Variants in USP37 observed in about 807,000 individuals in gnomAD.
USP37 encodes ubiquitin carboxyl-terminal hydrolase 37.
A neutral mutation model predicts 124.0 loss-of-function variants in USP37; 27 were observed. The observed-to-expected ratio is 0.22, with a 90% CI of 0.16 to 0.30. The LOEUF (loss-of-function observed/expected upper bound fraction) is 0.30, where lower values mean the gene tolerates loss of function less well. Among genes scored for constraint, USP37 ranks in the 10% least tolerant of loss-of-function variants. USP37 has a pLI of 1.00. For missense variants in USP37, 889 were observed against 1,140.4 expected, an observed-to-expected ratio of 0.78 and a Z score of 3.17; for synonymous variants, 365 against 388.0, an observed-to-expected ratio of 0.94 and a Z score of 0.70.
At chr2:218,460,367 G>C in intron 22 of USP37, among the ~76,000 whole-genome samples, 1 of 152,004 alleles carries the variant, frequency 6.6e-6, no homozygotes, top group East Asian at 1.9e-4. Flanking sequence ...GTAATATGAC[G>C]GTCCAACACG....
chr2:218,537,664 T>C (rs1016154529), intron 8 of USP37, among the ~76,000 whole-genome samples: 1 of 152,126 alleles, frequency 6.6e-6, no homozygotes, highest in Non-Finnish European at 1.5e-5. Flanking sequence ...AGGTAAATAA[T>C]CATCAAAAAG....
intron 14 of USP37, among the ~76,000 whole-genome samples, chr2:218,490,430 T>C (rs1199511293): frequency 6.6e-6 from 1 of 152,226 alleles, no homozygotes; most frequent in Non-Finnish European, 1.5e-5. Context: ...AATATATTTT[T>C]TATAGAATTT....
chr2:218,526,052 G>A (rs925220369), intron 10 of USP37, among the ~76,000 whole-genome samples: 7 of 152,054 alleles, frequency 4.6e-5, no homozygotes, highest in African/African-American at 9.7e-5. Context: ...AGTATTCTAC[G>A]GTGTATATGT....
intron 10 of USP37, among the ~76,000 whole-genome samples, chr2:218,522,852 T>C (rs761715827): frequency 6.6e-6 from 1 of 152,114 alleles, no homozygotes; most frequent in African/African-American, 2.4e-5. Context: ...AAGAAGAGTT[T>C]CAGGGCCGGA....
intron 16 of USP37, among the ~76,000 whole-genome samples, chr2:218,484,121 C>T (rs534774330): frequency 2.6e-5 from 4 of 151,046 alleles, no homozygotes; most frequent in South Asian, 2.1e-4. Flanking sequence ...ATCATGCCAC[C>T]GCATTCCAGC....
At chr2:218,542,247 T>C (rs1366954038) in intron 8 of USP37, among the ~76,000 whole-genome samples, 1 of 152,218 alleles carries the variant, frequency 6.6e-6, no homozygotes, top group African/African-American at 2.4e-5. Flanking sequence ...GGTCAGCTTC[T>C]AAGGAGTGCA....
intron 11 of USP37, among the ~76,000 whole-genome samples, chr2:218,505,869 TG>T (rs1386555670): frequency 1.2e-5 from 1 of 82,030 alleles, no homozygotes; most frequent in Non-Finnish European, 2.4e-5. Context: ...GCTGTTTTGT[TG>T]TTTTTTTTTT....
intron 9 of USP37, 53 bp from the exon 10 acceptor site, chr2:218,530,093 G>A (rs1691236941): frequency 1.4e-6 from 2 of 1,395,704 alleles, no homozygotes; most frequent in Non-Finnish European, 2.0e-6. Context: ...AACCATTCAA[G>A]TTCATTTAAT....
chr2:218,503,691 G>A (rs1192964556), intron 11 of USP37, among the ~76,000 whole-genome samples: 1 of 151,916 alleles, frequency 6.6e-6, no homozygotes, highest in African/African-American at 2.4e-5. Flanking sequence ...CTCCAGCCTG[G>A]GCAACGAGAG....
chr2:218,472,528 A>G (rs995623537), intron 20 of USP37, among the ~76,000 whole-genome samples: 2 of 151,866 alleles, frequency 1.3e-5, no homozygotes, highest in Non-Finnish European at 2.9e-5. Flanking sequence ...CAATGGTGCA[A>G]TATCGGCTCA....
At chr2:218,461,539 G>A (rs1690014598) in intron 22 of USP37, among the ~76,000 whole-genome samples, 2 of 151,610 alleles carry the variant, frequency 1.3e-5, no homozygotes, top group South Asian at 4.2e-4. Flanking sequence ...GAAAATCTAA[G>A]AATGTGAAGA....
chr2:218,489,653 C>T (rs1028747450), intron 14 of USP37, among the ~76,000 whole-genome samples: 1 of 151,674 alleles, frequency 6.6e-6, no homozygotes, highest in Non-Finnish European at 1.5e-5. Flanking sequence ...CTAATTTTTA[C>T]TATTTTAGTA....
In USP37 at chr2:218,466,071, A is replaced by G. The variant is rs1480477277; in HGVS notation, c.2405T>C (p.Met802Thr). The G allele has an allele frequency of 2.5e-6, 4 of 1,613,948 alleles. No homozygotes were observed. In the South Asian group the frequency reaches 4.4e-5, roughly 18 times the overall value. ...GEVDWLQQYD[M>T]EREREEQELQ... ...CTCTTGCTCTTCCCTTTCACGCTCC[A>G]TATCATACTGCTGGAGCCAATCAAC... Residue 802 changes from methionine (M) to threonine (T), a missense_variant, in exon 21 of 26, where the codon ATG (methionine) becomes ACG (threonine). By Grantham distance (81) the Met-to-Thr change is moderately conservative. Coordinates refer to ENST00000258399, the MANE Select transcript of USP37 (RefSeq NM_020935.3).
intron 20 of USP37, among the ~76,000 whole-genome samples, chr2:218,469,831 T>C (rs556450874): frequency 0.012 from 1,707 of 144,142 alleles, 24 homozygotes; most frequent in African/African-American, 0.042. Flanking sequence ...TTTTTTTTTT[T>C]TTTTTTTGAG....
chr2:218,553,213 G>A (rs1436684285), intron 5 of USP37, among the ~76,000 whole-genome samples: 1 of 152,214 alleles, frequency 6.6e-6, no homozygotes, highest in Non-Finnish European at 1.5e-5. Context: ...GATGTTAGCT[G>A]TAAGTTGTTG....
At chr2:218,521,977 C>G (rs1384150659) in intron 10 of USP37, among the ~76,000 whole-genome samples, 1 of 151,560 alleles carries the variant, frequency 6.6e-6, no homozygotes, top group South Asian at 2.1e-4. Context: ...TGGGCTCAAG[C>G]GATTCTCCTA....
rs1286777334 is a variant in USP37 at position 218,466,019 on chromosome 2, A to C, written c.2457T>G (p.Leu819=). The change falls in exon 21 of 26, where the codon CTT becomes CTG. Residue 819 remains leucine (L), a synonymous_variant. Coordinates refer to ENST00000258399, the MANE Select transcript of USP37 (RefSeq NM_020935.3). The stretch of plus-strand genomic sequence containing the variant: ...TATAAATATCTCTTACTTGCTCTTG[A>C]AGGCTCTGAGCCAGTGCCTGCTGAA... ...QELQQALAQS[L]QEQEAWEQKE... 1.9e-6 allele frequency: 3 copies of C among 1,606,214 alleles called. No individual in the cohort carries two copies. Among genetic ancestry groups the C allele is most frequent in the Admixed American group, 1.7e-5 (1 of 57,160 alleles).
intron 4 of USP37, among the ~76,000 whole-genome samples, chr2:218,556,514 T>TG (rs1168770847): frequency 2.6e-4 from 35 of 134,214 alleles, no homozygotes; most frequent in African/African-American, 3.3e-4. Flanking sequence ...TTTTTTTTTT[T>TG]TTTTTTTTTT....
At chr2:218,526,435 A>G (rs919436750) in intron 10 of USP37, among the ~76,000 whole-genome samples, 2 of 151,858 alleles carry the variant, frequency 1.3e-5, no homozygotes, top group African/African-American at 2.4e-5. Context: ...GGGTTTCACC[A>G]TGTTGCCCAG....
Sources: gnomAD v4.1 joint callset for allele counts (sites outside exome capture counted in the v4.1 genomes callset) on GRCh38, gnomAD v4.1.1 for gene constraint, MANE v1.5 for transcripts, NCBI Gene and HGNC (gene_info 2026-07-23, HGNC 2026-07-21) for gene names.